Variants in ECT2L observed in about 807,000 individuals in gnomAD.
ECT2L encodes the protein epithelial cell-transforming sequence 2 oncogene-like.
A neutral mutation model predicts 122.8 loss-of-function variants in ECT2L; 126 were observed. The observed-to-expected ratio is 1.03, with a 90% CI of 0.89 to 1.19. ECT2L has a LOEUF of 1.19. Ranked by LOEUF, ECT2L falls within the 50% of genes most tolerant of loss-of-function variation. The pLI, the probability that ECT2L is intolerant of heterozygous loss-of-function variation, is 0.00. For missense variants in ECT2L, 1,012 were observed against 1,064.1 expected (o/e 0.95, Z 0.68); for synonymous variants, 385 against 381.8 (o/e 1.01, Z -0.10).
In ECT2L at chr6:138,849,358, AG is replaced by A. The variant is rs1777347237; in HGVS notation, c.994del (p.Ala332LeufsTer35). On this transcript the variant is annotated frameshift_variant, in exon 9 of 22. Transcript: ENST00000541398. LOFTEE classifies it high-confidence loss of function. ...LESLLYLIEK[A>X]LDGQKAQSIG... ...AAAGCCTTCTGTATCTTATAGAAAA[AG>A]CTCTGGATGGGCAGAAGGCACAGAG... 1 of 1,613,926 alleles carries A rather than the reference AG, an allele frequency of 6.2e-7. No homozygotes were observed. The highest frequency in any genetic ancestry group is 8.5e-7 in the Non-Finnish European group (1 of 1,180,000).
intron 20 of ECT2L, among the ~76,000 whole-genome samples, chr6:138,897,790 C>A (rs78784355): frequency 1.3e-5 from 2 of 152,134 alleles, no homozygotes; most frequent in African/African-American, 4.8e-5. Context: ...GTGGCTGCTC[C>A]ATCCCTTCCC....
chr6:138,875,110 TCTC>T (rs1778395055), intron 13 of ECT2L, among the ~76,000 whole-genome samples: 1 of 151,876 alleles, frequency 6.6e-6, no homozygotes, highest in Admixed American at 6.6e-5. Context: ...AACAAGTAGA[TCTC>T]CTCCCTGGCT....
intron 4 of ECT2L, among the ~76,000 whole-genome samples, chr6:138,826,788 C>T (rs1776468519): frequency 6.6e-6 from 1 of 152,070 alleles, no homozygotes; most frequent in South Asian, 2.1e-4. Flanking sequence ...TCACGGGGGG[C>T]AGATCCCTCA....
At chr6:138,857,774 A>C (rs2128396852) in intron 10 of ECT2L, among the ~76,000 whole-genome samples, 1 of 152,008 alleles carries the variant, frequency 6.6e-6, no homozygotes, top group Non-Finnish European at 1.5e-5. Flanking sequence ...CCTTTTCCAC[A>C]TACGCACTCT....
intron 9 of ECT2L, 138 bp downstream of exon 9, chr6:138,849,572 GCTT>G: frequency 1.4e-6 from 1 of 735,120 alleles, no homozygotes; most frequent in Middle Eastern, 4.3e-4. Context: ...AAAAAGCGAA[GCTT>G]TTTTTTTTTT....
Position 138,845,774 on chromosome 6 carries a change from T to C in ECT2L, c.765-765T>C, listed in dbSNP as rs148301925. Among the ~76,000 whole-genome samples, 28 of 152,282 alleles carry C rather than the reference T, an allele frequency of 1.8e-4. No individual in the cohort carries two copies. The East Asian group carries it at 5.4e-3, about 29-fold the overall frequency. ...TGTACATTTACTTGTTCAAGGCACA[T>C]AAAGAATTTTAAGAGGTCAGGCATG... On this transcript the variant is annotated intron_variant, in intron 7 of 21. Coordinates refer to ENST00000541398, the MANE Select transcript of ECT2L (RefSeq NM_001077706.3).
rs77047026 is a variant in ECT2L, at chr6:138,864,991, G to T, written c.1292-5G>T. The T allele has an allele frequency of 4.3e-6, 7 of 1,610,318 alleles. No homozygotes were observed. Among genetic ancestry groups the T allele is most frequent in the Non-Finnish European group, 5.9e-6 (7 of 1,178,404 alleles). ...TGCAATAATAACAGAAGAAAATCAT[G>T]TCAGTTCTTAGTGATTGGCTGGGAT... On this transcript the variant is annotated splice_region_variant and splice_polypyrimidine_tract_variant and intron_variant, in intron 11 of 21. Transcript: ENST00000541398.
chr6:138,850,994 C>CAAA lies in ECT2L; in HGVS notation c.1069+1587_1069+1589dup, dbSNP rs34453938. 2.2e-3 allele frequency among the ~76,000 whole-genome samples: 126 copies of CAAA among 57,748 alleles called. 1 individual carries two copies. The highest frequency in any genetic ancestry group is 0.033 in the Middle Eastern group (2 of 60). The allele number at this position is 57,748 out of a possible 152,430, so 37.9% of individuals were successfully genotyped here. A position where few individuals can be genotyped will look rare whatever the true frequency, so the allele number is the denominator to read the frequency against. On this transcript the variant is annotated intron_variant, in intron 9 of 21. Coordinates refer to ENST00000541398, the MANE Select transcript of ECT2L (RefSeq NM_001077706.3). ...GGGCAATAAGAGCGAAACTCCATCT[C>CAAA]AAAAAAAAAAAAAAAAAAAAAAAAA...
At chr6:138,860,881 C>T (rs568410968) in intron 10 of ECT2L, among the ~76,000 whole-genome samples, 5 of 152,100 alleles carry the variant, frequency 3.3e-5, no homozygotes, top group East Asian at 1.9e-4. Flanking sequence ...TCCCCTTTCC[C>T]GCCAACCCCC....
chr6:138,878,035 C>G (rs1471890668), intron 14 of ECT2L, among the ~76,000 whole-genome samples: 1 of 152,142 alleles, frequency 6.6e-6, no homozygotes, highest in East Asian at 1.9e-4. Context: ...TTATGGTTAA[C>G]TCATCTTGGT....
chr6:138,856,291 T>C (rs150472942), intron 10 of ECT2L, among the ~76,000 whole-genome samples: 121 of 150,172 alleles, frequency 8.1e-4, no homozygotes, highest in African/African-American at 2.8e-3. Context: ...CTCGGCTCAC[T>C]GCAACCTTCC....
intron 14 of ECT2L, chr6:138,878,902 G>C (rs553648258): frequency 3.3e-5 from 5 of 153,008 alleles, no homozygotes; most frequent in African/African-American, 9.6e-5. Flanking sequence ...TACAATAAAG[G>C]AATGGGGAAG....
intron 20 of ECT2L, among the ~76,000 whole-genome samples, chr6:138,899,216 C>T (rs1199855570): frequency 1.3e-5 from 2 of 151,488 alleles, no homozygotes; most frequent in East Asian, 3.9e-4. Flanking sequence ...AGCCTCTAAA[C>T]AAAGCAAATG....
rs1367636984 is a variant in ECT2L, at chr6:138,888,994, C to G, written c.2377C>G (p.Leu793Val). The G allele has an allele frequency of 6.4e-7, 1 of 1,553,086 alleles. No individual in the cohort carries two copies. Among genetic ancestry groups the G allele is most frequent in the Non-Finnish European group, 8.7e-7 (1 of 1,144,202 alleles). The change falls in exon 20 of 22, where the codon CTT becomes GTT. Residue 793 changes from leucine to valine, a missense_variant. Leu to Val is a conservative substitution (Grantham distance 32). Coordinates refer to ENST00000541398, the MANE Select transcript of ECT2L (RefSeq NM_001077706.3). ...GATTAGGGTACAAGATGTAGCCCAA[C>G]TTCATTGCTGTGATGAAGAAATAAG... ...YLIRVQDVAQ[L>V]HCCDEEISFS... is the part of the protein sequence containing the mutation.
chr6:138,885,046 T>TG, intron 16 of ECT2L, among the ~76,000 whole-genome samples: 1 of 122,242 alleles, frequency 8.2e-6, no homozygotes, highest in South Asian at 2.6e-4. Context: ...TTTTTTTTTT[T>TG]GAGATGGAGT....
At chr6:138,857,376 G>C (rs1402595507) in intron 10 of ECT2L, among the ~76,000 whole-genome samples, 1 of 152,008 alleles carries the variant, frequency 6.6e-6, no homozygotes, top group African/African-American at 2.4e-5. Context: ...TTAAGTCTGG[G>C]GTGGGGCTGG....
chr6:138,850,897 A>G (rs1209252872), intron 9 of ECT2L, among the ~76,000 whole-genome samples: 3 of 140,238 alleles, frequency 2.1e-5, no homozygotes, highest in Non-Finnish European at 3.0e-5. Context: ...GCTACTCGGG[A>G]GGCTGAGGCA....
intron 4 of ECT2L, among the ~76,000 whole-genome samples, chr6:138,828,234 C>T (rs1213785069): frequency 6.6e-6 from 1 of 152,166 alleles, no homozygotes; most frequent in Non-Finnish European, 1.5e-5. Context: ...TCCTCAATGA[C>T]CTCATAACTT....
chr6:138,815,973 G>A (rs1401901652), intron 4 of ECT2L, among the ~76,000 whole-genome samples: 1 of 152,122 alleles, frequency 6.6e-6, no homozygotes, highest in Non-Finnish European at 1.5e-5. Context: ...TCTCCCCATG[G>A]AGTCACTGGA....
Sources: allele counts gnomAD v4.1 joint callset (sites outside exome capture counted in the v4.1 genomes callset), GRCh38; gene constraint gnomAD v4.1.1; transcripts MANE v1.5; gene names NCBI Gene and HGNC (gene_info 2026-07-23, HGNC 2026-07-21).